Variants in EVA1C observed in about 807,000 individuals in gnomAD.
EVA1C encodes the protein protein eva-1 homolog C.
In EVA1C, 25 loss-of-function variants were observed where a neutral mutation model predicts 45.4. The observed-to-expected ratio is 0.55, with a 90% CI of 0.40 to 0.77. The LOEUF (loss-of-function observed/expected upper bound fraction) is 0.77, where lower values mean the gene tolerates loss of function less well. Ranked by LOEUF, EVA1C falls within the 30% of genes least tolerant of loss-of-function variation. The pLI, the probability that EVA1C is intolerant of heterozygous loss-of-function variation, is 0.00. For synonymous variants in EVA1C, 190 were observed against 221.2 expected, an observed-to-expected ratio of 0.86 and a Z score of 1.25; for missense variants, 479 against 554.8, an observed-to-expected ratio of 0.86 and a Z score of 1.37.
At chr21:32,491,241 C>T (rs528526877) in intron 4 of EVA1C, among the ~76,000 whole-genome samples, 15 of 152,026 alleles carry the variant, frequency 9.9e-5, no homozygotes, top group East Asian at 3.9e-4. Context: ...CTGCAGGCTG[C>T]GACACAGGCT....
intron 1 of EVA1C, among the ~76,000 whole-genome samples, chr21:32,433,592 C>A (rs1196196421): frequency 6.6e-6 from 1 of 152,224 alleles, no homozygotes; most frequent in Non-Finnish European, 1.5e-5. Flanking sequence ...AATTTAGGTT[C>A]CCCACCCTCA....
rs184549750 is a variant in EVA1C at position 32,439,008 on chromosome 21, G to A, written c.161-14304G>A. ...CCCAGCACTTTGGGAGGCCAAGGCG[G>A]GCAGATCACTTGAAGTCGGGAGTTA... On this transcript the variant is annotated intron_variant, in intron 1 of 7. Transcript: ENST00000300255. 3.1e-4 allele frequency among the ~76,000 whole-genome samples: 47 copies of A among 152,122 alleles called. 1 individual carries two copies. Among genetic ancestry groups the A allele is most frequent in the South Asian group, 1.9e-3 (9 of 4,816 alleles).
intron 4 of EVA1C, among the ~76,000 whole-genome samples, chr21:32,469,016 A>T (rs2036281525): frequency 6.6e-6 from 1 of 152,178 alleles, no homozygotes; most frequent in African/African-American, 2.4e-5. Context: ...CCGCCACACC[A>T]TGCACAGGCT....
intron 4 of EVA1C, among the ~76,000 whole-genome samples, chr21:32,488,013 C>A (rs2037030990): frequency 6.6e-6 from 1 of 152,072 alleles, no homozygotes; most frequent in East Asian, 1.9e-4. Context: ...GGGCCCTTAG[C>A]CTGTGGTATC....
chr21:32,494,188 T>C (rs2037263936), intron 4 of EVA1C, among the ~76,000 whole-genome samples: 1 of 152,242 alleles, frequency 6.6e-6, no homozygotes, highest in Non-Finnish European at 1.5e-5. Flanking sequence ...TTTAATGATG[T>C]TGTGCCAGGG....
At chr21:32,466,708 TG>T (rs2036187685) in intron 3 of EVA1C, among the ~76,000 whole-genome samples, 1 of 152,208 alleles carries the variant, frequency 6.6e-6, no homozygotes, top group Admixed American at 6.5e-5. Flanking sequence ...TTACCAGATT[TG>T]GGGCAGACTT....
intron 7 of EVA1C, 125 bp downstream of exon 7, chr21:32,504,140 A>T: frequency 1.5e-6 from 1 of 669,104 alleles, no homozygotes; most frequent in Non-Finnish European, 2.6e-6. Flanking sequence ...TAACATGCCA[A>T]CCACCACTTC....
intron 4 of EVA1C, among the ~76,000 whole-genome samples, chr21:32,483,581 G>A (rs577809864): frequency 4.7e-4 from 72 of 152,306 alleles, no homozygotes; most frequent in African/African-American, 1.6e-3. Flanking sequence ...CCAGGAACCA[G>A]ACAGAAGGAT....
intron 4 of EVA1C, among the ~76,000 whole-genome samples, chr21:32,488,047 G>A (rs539099961): frequency 6.6e-6 from 1 of 152,242 alleles, no homozygotes; most frequent in African/African-American, 2.4e-5. Flanking sequence ...GGTAGTCAGT[G>A]TAAGTTTTCA....
At chr21:32,477,024 C>G (rs1601372595) in intron 4 of EVA1C, among the ~76,000 whole-genome samples, 1 of 152,060 alleles carries the variant, frequency 6.6e-6, no homozygotes, top group Non-Finnish European at 1.5e-5. Flanking sequence ...CCCAACCGCC[C>G]CATCATCAAG....
At chr21:32,459,948 T>C (rs1051939128) in intron 3 of EVA1C, among the ~76,000 whole-genome samples, 1 of 152,044 alleles carries the variant, frequency 6.6e-6, no homozygotes, top group East Asian at 1.9e-4. Flanking sequence ...ATTTTCTATA[T>C]GTTTGAAATG....
chr21:32,468,969 T>G (rs968907113), intron 4 of EVA1C, among the ~76,000 whole-genome samples: 1 of 152,180 alleles, frequency 6.6e-6, no homozygotes, highest in Non-Finnish European at 1.5e-5. Flanking sequence ...CAGCGGGCAG[T>G]GCCTGGATTA....
chr21:32,439,074 T>C (rs1205872329), intron 1 of EVA1C, among the ~76,000 whole-genome samples: 2 of 149,618 alleles, frequency 1.3e-5, no homozygotes, highest in Non-Finnish European at 3.0e-5. Context: ...CGTCTCTACC[T>C]AAAATACAAA....
intron 7 of EVA1C, among the ~76,000 whole-genome samples, chr21:32,512,213 G>T (rs78985292): frequency 6.6e-6 from 1 of 152,036 alleles, no homozygotes. Context: ...GCTCCTATAC[G>T]GGTGTGCATT....
At chr21:32,483,256 C>T (rs2036856568) in intron 4 of EVA1C, among the ~76,000 whole-genome samples, 1 of 152,108 alleles carries the variant, frequency 6.6e-6, no homozygotes, top group Non-Finnish European at 1.5e-5. Context: ...TTTATTAAGC[C>T]CTGATTTGAA....
chr21:32,459,921 T>G (rs1313347090), intron 3 of EVA1C, among the ~76,000 whole-genome samples: 1 of 151,814 alleles, frequency 6.6e-6, no homozygotes, highest in Non-Finnish European at 1.5e-5. Flanking sequence ...TGACTGTTGG[T>G]TGTGATATTC....
At chr21:32,509,957 T>C (rs895494442) in intron 7 of EVA1C, among the ~76,000 whole-genome samples, 2 of 148,466 alleles carry the variant, frequency 1.3e-5, no homozygotes, top group African/African-American at 5.0e-5. Flanking sequence ...TTGGGGAGGG[T>C]GACAAGGGCC....
intron 7 of EVA1C, among the ~76,000 whole-genome samples, chr21:32,509,369 A>G (rs947597513): frequency 6.6e-6 from 1 of 152,216 alleles, no homozygotes; most frequent in African/African-American, 2.4e-5. Context: ...CTCACTTAGC[A>G]GGAGGCAGGC....
chr21:32,416,722 G>A (rs1206104014), intron 1 of EVA1C, among the ~76,000 whole-genome samples: 1 of 152,168 alleles, frequency 6.6e-6, no homozygotes, highest in African/African-American at 2.4e-5. Context: ...AGGAAGGGAA[G>A]GAAAGGGTAG....
Sources: gnomAD v4.1 joint callset for allele counts (sites outside exome capture counted in the v4.1 genomes callset) on GRCh38, gnomAD v4.1.1 for gene constraint, MANE v1.5 for transcripts, NCBI Gene and HGNC (gene_info 2026-07-23, HGNC 2026-07-21) for gene names.